The following TENM4 variants were observed in gnomAD, a reference collection of about 807,000 sequenced individuals.
The protein encoded by TENM4 is teneurin-4.
In TENM4, 82 loss-of-function variants were observed where a neutral mutation model predicts 243.3. That is an observed-to-expected ratio of 0.34 (90% CI 0.28 to 0.40). TENM4 has a LOEUF of 0.40. Among genes scored for constraint, TENM4 ranks in the 10% least tolerant of loss-of-function variants. The pLI, the probability that TENM4 is intolerant of heterozygous loss-of-function variation, is 1.00. For missense variants in TENM4, 3,138 were observed against 3,673.3 expected (o/e 0.85, Z 3.77); for synonymous variants, 1,412 against 1,456.3 (o/e 0.97, Z 0.69).
At chr11:79,290,958 G>A (rs1489233272) in intron 2 of TENM4, among the ~76,000 whole-genome samples, 1 of 152,112 alleles carries the variant, frequency 6.6e-6, no homozygotes, top group African/African-American at 2.4e-5. Context: ...TGGGAGCCAG[G>A]TCCACAGGCA....
chr11:79,081,990 C>A (rs1337783851), intron 4 of TENM4, among the ~76,000 whole-genome samples: 1 of 152,080 alleles, frequency 6.6e-6, no homozygotes, highest in African/African-American at 2.4e-5. Flanking sequence ...TTGCTCTGTG[C>A]CTCAATTTCA....
At chr11:79,149,630 G>A (rs909217855) in intron 3 of TENM4, among the ~76,000 whole-genome samples, 2 of 152,084 alleles carry the variant, frequency 1.3e-5, no homozygotes, top group African/African-American at 4.8e-5. Flanking sequence ...GTAGGATACT[G>A]ACTCCTTGAA....
intron 4 of TENM4, among the ~76,000 whole-genome samples, chr11:79,113,075 G>A (rs922978149): frequency 5.3e-5 from 8 of 152,150 alleles, no homozygotes; most frequent in South Asian, 2.1e-4. Flanking sequence ...GGGAGAATAG[G>A]CTGGCTGAGA....
At chr11:78,964,703 A>G (rs1462521109) in intron 6 of TENM4, among the ~76,000 whole-genome samples, 4 of 151,914 alleles carry the variant, frequency 2.6e-5, no homozygotes, top group African/African-American at 9.7e-5. Context: ...GCTCTGCTAT[A>G]TTTCTATTTA....
chr11:79,079,744 G>A (rs1200424555), intron 4 of TENM4, among the ~76,000 whole-genome samples: 4 of 149,578 alleles, frequency 2.7e-5, no homozygotes, highest in African/African-American at 9.9e-5. Context: ...CATGAGAATT[G>A]CTTGAATCTG....
intron 1 of TENM4, among the ~76,000 whole-genome samples, chr11:79,326,262 C>T (rs971003581): frequency 1.3e-5 from 2 of 152,184 alleles, no homozygotes; most frequent in Non-Finnish European, 2.9e-5. Context: ...AACCCCCTTT[C>T]CCCTTGGCTT....
rs115965624 is a variant in TENM4 at position 79,109,667 on chromosome 11, C to T, written c.-66+39043G>A. Among the ~76,000 whole-genome samples, 1,038 of 152,324 alleles carry T rather than the reference C, an allele frequency of 6.8e-3. 11 individuals are homozygous for T. The highest frequency in any genetic ancestry group is 0.022 in the African/African-American group (931 of 41,574). On this transcript the variant is annotated intron_variant, in intron 4 of 33. Coordinates refer to ENST00000278550, the MANE Select transcript of TENM4 (RefSeq NM_001098816.3). ...TAGCTATGAAGTGTCAAAGGGTTGC[C>T]GAGTAGGTAACGAGTACATGTTTGG...
At chr11:78,800,795 A>T (rs992863479) in intron 15 of TENM4, among the ~76,000 whole-genome samples, 1 of 152,044 alleles carries the variant, frequency 6.6e-6, no homozygotes, top group Non-Finnish European at 1.5e-5. Context: ...TCAATATAAC[A>T]TAGTGTTTAG....
At chr11:79,315,788 C>T (rs1856793565) in intron 1 of TENM4, among the ~76,000 whole-genome samples, 1 of 152,200 alleles carries the variant, frequency 6.6e-6, no homozygotes, top group Non-Finnish European at 1.5e-5. Flanking sequence ...TAACTTAGAA[C>T]ATCCAAAAGA....
intron 2 of TENM4, among the ~76,000 whole-genome samples, chr11:79,288,471 G>A (rs96537): frequency 0.32 from 48,665 of 152,106 alleles, 7,995 homozygotes; most frequent in East Asian, 0.53. Flanking sequence ...AACTATGTAG[G>A]CTTCTCCGCT....
rs1263908958 is a variant in TENM4, at chr11:79,440,741, GGCTCCCGCTCCCGGCC to G, written c.-569_-554del. 3 of 152,418 alleles carry G rather than the reference GGCTCCCGCTCCCGGCC, an allele frequency of 2.0e-5. No homozygotes were observed. Among genetic ancestry groups the G allele is most frequent in the African/African-American group, 7.2e-5 (3 of 41,464 alleles). The allele number at this position is 152,418 out of a possible 1,614,324, so 9.4% of individuals were successfully genotyped here. On this transcript the variant is annotated 5_prime_UTR_variant, in exon 1 of 34. An upstream open reading frame in the 5' UTR gains an earlier in-frame stop. Coordinates refer to ENST00000278550, the MANE Select transcript of TENM4 (RefSeq NM_001098816.3). This position sits in a 1 kb window ranked among gnomAD's most constrained non-coding sequence, Gnocchi z 4.7. Reference sequence around the variant, plus strand: ...AGCCTCCAGCCGCGCGCGCACGACCGGCTCCCGCTCCCGGCCGCTCCCGGCCGGCGTCCCTGCCAGC... The same window carrying G: ...AGCCTCCAGCCGCGCGCGCACGACCGGCTCCCGGCCGGCGTCCCTGCCAGC...
intron 12 of TENM4, among the ~76,000 whole-genome samples, chr11:78,831,585 T>C (rs1462768625): frequency 6.6e-6 from 1 of 152,222 alleles, no homozygotes; most frequent in Non-Finnish European, 1.5e-5. Context: ...AGGGAATATT[T>C]AGAAAGAAAG....
chr11:78,908,571 T>C (rs1856115535), intron 6 of TENM4, among the ~76,000 whole-genome samples: 1 of 152,216 alleles, frequency 6.6e-6, no homozygotes, highest in African/African-American at 2.4e-5. Context: ...TTTATTACAC[T>C]GAATCCCACT....
At position 78,865,844 on chromosome 11, in the gene TENM4, C is replaced by A. The variant is rs535755947; in HGVS notation, c.1085-2712G>T. On this transcript the variant is annotated intron_variant, in intron 9 of 33. Transcript: ENST00000278550. Reference sequence around the variant, plus strand: ...TAGTTTTGAATCTCAGCTGCCACTGCCTAGCTGCATTCTTCTCATCTGAGC... The same window carrying A: ...TAGTTTTGAATCTCAGCTGCCACTGACTAGCTGCATTCTTCTCATCTGAGC... Among the ~76,000 whole-genome samples, 21 of 152,334 alleles carry A rather than the reference C, an allele frequency of 1.4e-4. No individual in the cohort carries two copies. The South Asian group carries it at 3.9e-3, about 29-fold the overall frequency.
Position 78,670,170 on chromosome 11 carries a change from G to C in TENM4, c.6175C>G (p.Gln2059Glu). 6.2e-7 allele frequency: 1 copy of C among 1,613,962 alleles called. No individual in the cohort carries two copies. Among genetic ancestry groups the C allele is most frequent in the Non-Finnish European group, 8.5e-7 (1 of 1,179,898 alleles). Residue 2059 changes from glutamine to glutamate, a missense_variant, in exon 32 of 34, where the codon CAG (glutamine) becomes GAG (glutamate). Gln to Glu is a conservative substitution (Grantham distance 29, BLOSUM62 2). Around this residue, in one of 2 missense-constraint regions of TENM4, gnomAD observed 2,467 missense variants for 3,059.1 expected, o/e 0.81. Transcript: ENST00000278550. ...TGTCGGTCAATCAGGGGCCCAATCT[G>C]ACGGTAGCGGATGGTGCAGGTGAAG... is the stretch of plus-strand genomic sequence containing the variant. ...EGFTCTIRYR[Q>E]IGPLIDRQIF...
chr11:78,904,828 C>A (rs886554249), intron 6 of TENM4, among the ~76,000 whole-genome samples: 13 of 152,130 alleles, frequency 8.5e-5, no homozygotes, highest in Non-Finnish European at 1.3e-4. Flanking sequence ...AGAAAGAAAA[C>A]AAATACAATT....
chr11:79,172,487 C>T (rs962952846), intron 3 of TENM4, among the ~76,000 whole-genome samples: 20 of 152,156 alleles, frequency 1.3e-4, no homozygotes, highest in African/African-American at 4.3e-4. Context: ...TTTGCTTTCC[C>T]TCACAGACCA....
chr11:79,190,617 A>G (rs1381487129), intron 3 of TENM4, among the ~76,000 whole-genome samples: 1 of 152,220 alleles, frequency 6.6e-6, no homozygotes, highest in Non-Finnish European at 1.5e-5. Context: ...CCATTCAAAC[A>G]GACATACAGG....
intron 12 of TENM4, among the ~76,000 whole-genome samples, chr11:78,824,412 A>C: frequency 6.6e-6 from 1 of 152,160 alleles, no homozygotes; most frequent in East Asian, 1.9e-4. Flanking sequence ...TCATGAGGAC[A>C]GTACCGAGGG....
Sources: allele counts gnomAD v4.1 joint callset (sites outside exome capture counted in the v4.1 genomes callset), GRCh38; gene constraint gnomAD v4.1.1; regional missense constraint gnomAD v4.1.1; non-coding constraint Gnocchi (gnomAD v3.1); transcripts MANE v1.5; gene names NCBI Gene and HGNC (gene_info 2026-07-23, HGNC 2026-07-21).